The following CEP78 variants were observed in gnomAD, a reference collection of about 807,000 sequenced individuals.
The protein encoded by CEP78 is centrosomal protein 78.
Under a neutral mutation model 81.2 loss-of-function variants are expected in CEP78, and 76 were observed. The observed-to-expected ratio is 0.94, with a 90% CI of 0.78 to 1.13. The LOEUF (loss-of-function observed/expected upper bound fraction) is 1.13, where lower values mean the gene tolerates loss of function less well. Ranked by LOEUF, CEP78 falls within the 50% of genes most tolerant of loss-of-function variation. CEP78 has a pLI of 0.00. For synonymous variants in CEP78, 293 were observed against 301.4 expected (o/e 0.97, Z 0.29); for missense variants, 918 against 846.8 (o/e 1.08, Z -1.04).
intron 11 of CEP78, among the ~76,000 whole-genome samples, chr9:78,256,524 ATTTTTTTTTT>A (rs35059009): frequency 5.2e-5 from 4 of 76,690 alleles, no homozygotes; most frequent in African/African-American, 1.6e-4. Context: ...CTGCTCCCTT[ATTTTTTTTTT>A]TTTTTTTTTT....
At chr9:78,250,613 C>T (rs905316569) in intron 8 of CEP78, among the ~76,000 whole-genome samples, 20 of 152,036 alleles carry the variant, frequency 1.3e-4, no homozygotes, top group African/African-American at 4.8e-4. Flanking sequence ...GCGGCGTGCA[C>T]CTGTAATCCA....
At chr9:78,248,153 A>C in intron 6 of CEP78, 138 bp from the exon 7 acceptor site, 1 of 650,172 alleles carries the variant, frequency 1.5e-6, no homozygotes. Flanking sequence ...AAGGGGGAAA[A>C]GGTATTTAAT....
Position 78,275,126 on chromosome 9 carries a change from TA to T in CEP78, c.*4276del, listed in dbSNP as rs1827774085. 1.3e-5 allele frequency: 2 copies of T among 152,216 alleles called. No individual in the cohort carries two copies. The highest frequency in any genetic ancestry group is 4.1e-4 in the South Asian group (2 of 4,834). 9.4% of individuals were successfully genotyped at this position (152,216 alleles called of 1,614,324 possible). ...GAAGGATACCTACAACTAGAAGAGA[TA>T]TTTTTAATTATGAGCACTTTTATAA... On this transcript the variant is annotated 3_prime_UTR_variant, in exon 17 of 17. Transcript: ENST00000643273.
At position 78,279,652 on chromosome 9, in the gene CEP78, T is replaced by G. The variant is rs1451645617; in HGVS notation, c.*8801T>G. 3 of 152,212 alleles carry G rather than the reference T, an allele frequency of 2.0e-5. No individual in the cohort carries two copies. The highest frequency in any genetic ancestry group is 7.2e-5 in the African/African-American group (3 of 41,448). 9.4% of individuals were successfully genotyped at this position (152,212 alleles called of 1,614,324 possible). A position where few individuals can be genotyped will look rare whatever the true frequency, so the allele number is the denominator to read the frequency against. ...ACAAATATTATTCCACAAATATTTA[T>G]TGTCACCAACTATAATAAAAGAACA... On this transcript the variant is annotated 3_prime_UTR_variant, in exon 17 of 17. Coordinates refer to ENST00000643273, the MANE Select transcript of CEP78 (RefSeq NM_001330691.3).
At chr9:78,259,455 C>T (rs1427319639) in intron 11 of CEP78, among the ~76,000 whole-genome samples, 1 of 152,140 alleles carries the variant, frequency 6.6e-6, no homozygotes, top group African/African-American at 2.4e-5. Flanking sequence ...GTGTTTTATG[C>T]ACTTTTCAGT....
At chr9:78,252,075 T>G in intron 9 of CEP78, 32 bp downstream of exon 9, 1 of 1,526,928 alleles carries the variant, frequency 6.5e-7, no homozygotes, top group Non-Finnish European at 8.9e-7. Context: ...TCTTTTAGGA[T>G]AAAAATGGGA....
chr9:78,267,928 T>C (rs1439462127), intron 16 of CEP78, among the ~76,000 whole-genome samples: 1 of 152,118 alleles, frequency 6.6e-6, no homozygotes, highest in Non-Finnish European at 1.5e-5. Flanking sequence ...TGCCTGATTG[T>C]TATCAAAAGG....
chr9:78,243,530 C>T lies in CEP78; in HGVS notation c.672C>T (p.Asp224=). The T allele has an allele frequency of 6.2e-7, 1 of 1,613,874 alleles. No individual in the cohort carries two copies. ...ESLRYRRPDL[D]CMAGLRRITL... ...TTCGCTATAGGAGACCTGATCTTGA[C>T]TGTATGGCTGGCTTAAGACGTATCA... Residue 224 remains aspartate (D), a synonymous_variant, in exon 5 of 17, where the codon GAC becomes GAT. Coordinates refer to ENST00000643273, the MANE Select transcript of CEP78 (RefSeq NM_001330691.3).
chr9:78,266,501 A>C lies in CEP78; in HGVS notation c.1905A>C (p.Pro635=). The C allele has an allele frequency of 6.2e-7, 1 of 1,613,506 alleles. No homozygotes were observed. The change falls in exon 16 of 17, where the codon CCA becomes CCC. Residue 635 remains proline (P), a synonymous_variant. Transcript: ENST00000643273. Reference sequence around the variant, plus strand: ...TGCCTCTCGACTCCTTTCCTGTCCCAGTTTCTACTCCAGAGGGCTTAGGAA... The same window carrying C: ...TGCCTCTCGACTCCTTTCCTGTCCCCGTTTCTACTCCAGAGGGCTTAGGAA... ...IPLPLDSFPV[P]VSTPEGLGTS...
At position 78,236,241 on chromosome 9, in the gene CEP78, C is replaced by T. The variant is rs746720724; in HGVS notation, c.-110C>T. On this transcript the variant is annotated 5_prime_UTR_variant, in exon 1 of 17. Transcript: ENST00000643273. ...GCTCCTGAGCCCGGTGCGGGGCTGC[C>T]GCTATCGCCTGGCCGTGGGTGCCGG... 3.4e-4 allele frequency: 317 copies of T among 944,784 alleles called. No homozygotes were observed. Among genetic ancestry groups the T allele is most frequent in the Non-Finnish European group, 4.6e-4 (297 of 649,022 alleles). The allele number at this position is 944,784 out of a possible 1,614,324, so 58.5% of individuals were successfully genotyped here.
At chr9:78,248,248 T>A in intron 6 of CEP78, 43 bp from the exon 7 acceptor site, 2 of 1,071,358 alleles carry the variant, frequency 1.9e-6, no homozygotes, top group Non-Finnish European at 1.4e-6. Flanking sequence ...TAGCCACTCA[T>A]TGGGAAATAA....
Position 78,265,859 on chromosome 9 carries a change from G to C in CEP78, c.1798G>C (p.Val600Leu). ...NALGQMQNIQ[V>L]SICMQSAYNE... ...TCTATTCTATTCATATTCCATCTAG[G>C]TTTCTATTTGTATGCAGTCAGCTTA... The change falls in exon 15 of 17, where the codon GTT (valine) becomes CTT (leucine). Residue 600 changes from valine to leucine, a missense_variant and splice_region_variant. Physicochemically the swap from Val to Leu is conservative, Grantham distance 32 (BLOSUM62 1). Coordinates refer to ENST00000643273, the MANE Select transcript of CEP78 (RefSeq NM_001330691.3). The C allele has an allele frequency of 7.4e-7, 1 of 1,343,500 alleles. No homozygotes were observed. The allele number at this position is 1,343,500 out of a possible 1,614,324, so 83.2% of individuals were successfully genotyped here.
Position 78,241,791 on chromosome 9 carries a change from A to G in CEP78, c.595A>G (p.Ile199Val). 1 of 1,573,888 alleles carries G rather than the reference A, an allele frequency of 6.4e-7. No individual in the cohort carries two copies. The highest frequency in any genetic ancestry group is 1.7e-5 in the Admixed American group (1 of 59,060). Residue 199 changes from isoleucine (I) to valine (V), a missense_variant, in exon 4 of 17, where the codon ATC becomes GTC. Physicochemically the swap from Ile to Val is conservative, Grantham distance 29. Coordinates refer to ENST00000643273, the MANE Select transcript of CEP78 (RefSeq NM_001330691.3). Reference sequence around the variant, plus strand: ...GCAGGGAGCAGATCACATGGCCAAGATCTTAAAGGTAACTTTATGTTCCAA... The same window carrying G: ...GCAGGGAGCAGATCACATGGCCAAGGTCTTAAAGGTAACTTTATGTTCCAA... ...TWQGADHMAKILKYQTMRRHE... is the reference protein window; with the variant it reads ...TWQGADHMAKVLKYQTMRRHE...
chr9:78,261,683 ATTC>A (rs1473021316), intron 11 of CEP78, among the ~76,000 whole-genome samples: 1 of 152,172 alleles, frequency 6.6e-6, no homozygotes, highest in Non-Finnish European at 1.5e-5. Context: ...GGAGGATTTT[ATTC>A]TTCTTTCTCC....
At chr9:78,248,024 A>T (rs1826578303) in intron 6 of CEP78, among the ~76,000 whole-genome samples, 1 of 152,210 alleles carries the variant, frequency 6.6e-6, no homozygotes, top group African/African-American at 2.4e-5. Context: ...AGAGGTATCT[A>T]AAGCTACTTT....
At chr9:78,236,648 G>A in intron 1 of CEP78, 45 bp downstream of exon 1, 2 of 1,512,456 alleles carry the variant, frequency 1.3e-6, no homozygotes, top group Middle Eastern at 3.6e-4. Flanking sequence ...GTGCGGCGAA[G>A]TGGGTTTTTA....
At chr9:78,239,970 G>C (rs1826142096) in intron 1 of CEP78, 53 bp from the exon 2 acceptor site, 1 of 1,417,850 alleles carries the variant, frequency 7.1e-7, no homozygotes, top group African/African-American at 1.5e-5. Context: ...AGATGTTTTT[G>C]AATGATACAT....
At position 78,240,316 on chromosome 9, in the gene CEP78, G is replaced by C; in HGVS notation, c.451G>C (p.Val151Leu). The C allele has an allele frequency of 1.3e-6, 2 of 1,598,606 alleles. No individual in the cohort carries two copies. The highest frequency in any genetic ancestry group is 1.7e-6 in the Non-Finnish European group (2 of 1,171,330). ...AKGLNKSASL[V>L]HLSLANCPIG... ...GGGATTGAATAAATCGGCTTCTTTG[G>C]TGCACCTGTCTCTTGCAAATTGTCC... The change falls in exon 3 of 17, where the codon GTG becomes CTG. Residue 151 changes from valine (V) to leucine (L), a missense_variant. Transcript: ENST00000643273.
chr9:78,251,091 TTAAG>T (rs1210156670), intron 8 of CEP78, among the ~76,000 whole-genome samples: 1 of 152,248 alleles, frequency 6.6e-6, no homozygotes, highest in African/African-American at 2.4e-5. Context: ...AATTATATAT[TTAAG>T]TGTGAATTTT....
Sources: gnomAD v4.1 joint callset for allele counts (sites outside exome capture counted in the v4.1 genomes callset) on GRCh38, gnomAD v4.1.1 for gene constraint, MANE v1.5 for transcripts, NCBI Gene and HGNC (gene_info 2026-07-23, HGNC 2026-07-21) for gene names.